The following FAM168B variants were observed in gnomAD, a reference collection of about 807,000 sequenced individuals.
The protein encoded by FAM168B is family with sequence similarity 168 member B, also known as myelin-associated neurite-outgrowth inhibitor.
In FAM168B, 19 loss-of-function variants were observed where a neutral mutation model predicts 21.8. That is an observed-to-expected ratio of 0.87 (90% confidence interval 0.61 to 1.28). FAM168B has a LOEUF of 1.28. Ranked by LOEUF, FAM168B falls within the 50% of genes most tolerant of loss-of-function variation. FAM168B has a pLI of 0.00. For missense variants in FAM168B, 233 were observed against 263.1 expected, an observed-to-expected ratio of 0.89 and a Z score of 0.79; for synonymous variants, 126 against 104.8, an observed-to-expected ratio of 1.20 and a Z score of -1.24.
At chr2:131,074,753 G>A (rs906388450) in intron 2 of FAM168B, among the ~76,000 whole-genome samples, 1 of 152,134 alleles carries the variant, frequency 6.6e-6, no homozygotes, top group African/African-American at 2.4e-5. Context: ...AATGCCAAAA[G>A]GAAAATCTTT....
At chr2:131,086,083 T>C (rs1573821160) in intron 1 of FAM168B, among the ~76,000 whole-genome samples, 1 of 152,248 alleles carries the variant, frequency 6.6e-6, no homozygotes, top group East Asian at 1.9e-4. Context: ...CCCTACAGTT[T>C]AGGAATAAAC....
Position 131,052,987 on chromosome 2 carries a change from A to G in FAM168B, c.504T>C (p.Thr168=). 6.4e-7 allele frequency: 1 copy of G among 1,556,138 alleles called. No homozygotes were observed. The highest frequency in any genetic ancestry group is 8.7e-7 in the Non-Finnish European group (1 of 1,149,588). ...CAGTGACCGGGTGGGGGGCGACAGG[A>G]GTTGGGGAGTGAGCAGTCAGCAGGG... is the stretch of plus-strand genomic sequence containing the variant. ...AGTLLTAHSP[T]PVAPHPVTVP... is the part of the protein sequence containing the mutation. The change falls in exon 6 of 7, where the codon ACT becomes ACC. Residue 168 remains threonine, a synonymous_variant. Transcript: ENST00000389915.
At position 131,049,891 on chromosome 2, in the gene FAM168B, T is replaced by C. The variant is rs569711127; in HGVS notation, c.*2574A>G. Reference sequence around the variant, plus strand: ...TGACTTTAATTTTACTAGAAGCGAATGTTGATAAAATTACAACCTATGACA... The same window carrying C: ...TGACTTTAATTTTACTAGAAGCGAACGTTGATAAAATTACAACCTATGACA... On this transcript the variant is annotated 3_prime_UTR_variant, in exon 7 of 7. Transcript: ENST00000389915. The C allele has an allele frequency of 1.2e-3, 1,167 of 985,604 alleles. No homozygotes were observed. Among genetic ancestry groups the C allele is most frequent in the Non-Finnish European group, 1.3e-3 (1,104 of 829,942 alleles). The allele number at this position is 985,604 out of a possible 1,614,324, so 61.1% of individuals were successfully genotyped here. A position where few individuals can be genotyped will look rare whatever the true frequency, so the allele number is the denominator to read the frequency against.
chr2:131,091,842 G>C (rs1694046137), intron 1 of FAM168B, among the ~76,000 whole-genome samples: 1 of 151,254 alleles, frequency 6.6e-6, no homozygotes, highest in Non-Finnish European at 1.5e-5. Flanking sequence ...TTTTAAAATT[G>C]TGCTCGGCCA....
intron 3 of FAM168B, among the ~76,000 whole-genome samples, chr2:131,056,804 A>AGATAC (rs1692045565): frequency 6.6e-6 from 1 of 152,204 alleles, no homozygotes; most frequent in South Asian, 2.1e-4. Context: ...ACACCATGTC[A>AGATAC]AAGGAGCCAG....
intron 3 of FAM168B, among the ~76,000 whole-genome samples, chr2:131,062,109 C>T (rs999344763): frequency 6.6e-6 from 1 of 152,170 alleles, no homozygotes. Flanking sequence ...TAAGAAAGTC[C>T]TTGACCTTTT....
chr2:131,083,431 T>C (rs993058509), intron 1 of FAM168B, among the ~76,000 whole-genome samples: 2 of 152,108 alleles, frequency 1.3e-5, no homozygotes, highest in Admixed American at 6.5e-5. Flanking sequence ...TCCCAGCTAC[T>C]TGGGAGGCTG....
At chr2:131,080,040 G>A (rs904154498) in intron 2 of FAM168B, among the ~76,000 whole-genome samples, 5 of 151,062 alleles carry the variant, frequency 3.3e-5, no homozygotes, top group African/African-American at 1.2e-4. Context: ...TCACCTGAAC[G>A]CGGGAGGCAG....
At chr2:131,053,238 T>G (rs190638240) in intron 5 of FAM168B, among the ~76,000 whole-genome samples, 25 of 152,360 alleles carry the variant, frequency 1.6e-4, no homozygotes, top group African/African-American at 6.0e-4. Flanking sequence ...AAGCCTTTTG[T>G]GTGTCCCCTT....
chr2:131,053,128 G>A (rs1691795916), intron 5 of FAM168B, 113 bp from the exon 6 acceptor site: 2 of 1,381,850 alleles, frequency 1.4e-6, no homozygotes, highest in Non-Finnish European at 1.9e-6. Context: ...CAGGAAGAGG[G>A]ATAGTCTTGA....
intron 3 of FAM168B, among the ~76,000 whole-genome samples, chr2:131,065,097 A>G (rs1692489269): frequency 6.6e-6 from 1 of 152,250 alleles, no homozygotes; most frequent in South Asian, 2.1e-4. Flanking sequence ...AGGTCGGGGC[A>G]GCAAAGTGAG....
chr2:131,063,079 A>G (rs1692385720), intron 3 of FAM168B, among the ~76,000 whole-genome samples: 1 of 152,236 alleles, frequency 6.6e-6, no homozygotes, highest in Non-Finnish European at 1.5e-5. Context: ...AGTTGACGTT[A>G]AAAAGTTTAA....
At chr2:131,091,734 G>A (rs1344602572) in intron 1 of FAM168B, among the ~76,000 whole-genome samples, 1 of 152,044 alleles carries the variant, frequency 6.6e-6, no homozygotes, top group Non-Finnish European at 1.5e-5. Flanking sequence ...TTTACTGGGA[G>A]GAATTCATGT....
chr2:131,078,224 A>G lies in FAM168B; in HGVS notation c.70+4353T>C, dbSNP rs1056606504. On this transcript the variant is annotated intron_variant, in intron 2 of 6. Coordinates refer to ENST00000389915, the MANE Select transcript of FAM168B (RefSeq NM_001009993.4). ...GACGCACAGGTGATCCAGAGACTGC[A>G]GTTAGCAAACAGTTTTTAAAATAAC... Among the ~76,000 whole-genome samples, 6 of 152,246 alleles carry G rather than the reference A, an allele frequency of 3.9e-5. No individual in the cohort carries two copies. The East Asian group carries it at 1.2e-3, about 29-fold the overall frequency.
chr2:131,090,149 T>C (rs1191848309), intron 1 of FAM168B, among the ~76,000 whole-genome samples: 2 of 12,870 alleles, frequency 1.6e-4, no homozygotes, highest in Non-Finnish European at 1.7e-4. Flanking sequence ...CTACCAAAAA[T>C]ACAAAAAAAA....
rs768078863 is a variant in FAM168B at position 131,082,660 on chromosome 2, A to G, written c.-11-3T>C. ...AACAGGATTCATGATTTCAAAAACT[A>G]AAAGAAAAAAAAGGGAATTTAGCCA... On this transcript the variant is annotated splice_region_variant and splice_polypyrimidine_tract_variant and intron_variant, in intron 1 of 6. Transcript: ENST00000389915. The G allele has an allele frequency of 5.1e-6, 8 of 1,581,096 alleles. No individual in the cohort carries two copies. The highest frequency in any genetic ancestry group is 6.9e-6 in the Non-Finnish European group (8 of 1,165,582).
intron 1 of FAM168B, among the ~76,000 whole-genome samples, chr2:131,089,772 G>A (rs1190143245): frequency 2.6e-5 from 4 of 151,418 alleles, no homozygotes; most frequent in African/African-American, 7.3e-5. Flanking sequence ...GGTGGCTCAC[G>A]CCTGTAATCC....
intron 2 of FAM168B, 114 bp from the exon 3 acceptor site, chr2:131,072,052 A>T: frequency 3.6e-6 from 3 of 831,298 alleles, no homozygotes; most frequent in Non-Finnish European, 5.9e-6. Flanking sequence ...AGACTTAAGC[A>T]GCCCCAAGAG....
intron 3 of FAM168B, 99 bp from the exon 4 acceptor site, chr2:131,055,794 G>A (rs1318726032): frequency 4.8e-6 from 7 of 1,446,490 alleles, no homozygotes; most frequent in Non-Finnish European, 4.7e-6. Context: ...TCAGCCCCAC[G>A]CAACTCGCCA....
Sources: allele counts gnomAD v4.1 joint callset (sites outside exome capture counted in the v4.1 genomes callset), GRCh38; gene constraint gnomAD v4.1.1; transcripts MANE v1.5; gene names NCBI Gene and HGNC (gene_info 2026-07-23, HGNC 2026-07-21).